The following IZUMO4 variants were observed in gnomAD, a reference collection of about 807,000 sequenced individuals.
The protein encoded by IZUMO4 is IZUMO family member 4, also known as izumo sperm-egg fusion protein 4.
IZUMO4 carries 51 observed loss-of-function variants against 37.1 expected under a neutral mutation model. The observed-to-expected ratio is 1.38, with a 90% CI of 1.10 to 1.74. The LOEUF is 1.74. Ranked by LOEUF, IZUMO4 falls within the 40% of genes most tolerant of loss-of-function variation. IZUMO4 has a pLI of 0.00. For synonymous variants in IZUMO4, 162 were observed against 121.4 expected (o/e 1.33, Z -2.20); for missense variants, 364 against 299.6 (o/e 1.21, Z -1.59).
intron 3 of IZUMO4, 163 bp from the exon 4 acceptor site, chr19:2,097,765 TG>T: frequency 2.2e-6 from 2 of 896,826 alleles, no homozygotes; most frequent in Non-Finnish European, 3.4e-6. Context: ...GGGGTCAACC[TG>T]GGGACCCCTT....
At chr19:2,097,366 A>ACCCCCCCCCCC in intron 2 of IZUMO4, 34 bp downstream of exon 2, 1 of 741,544 alleles carries the variant, frequency 1.3e-6, no homozygotes, top group African/African-American at 2.1e-5. Flanking sequence ...GGGCCCCCCC[A>ACCCCCCCCCCC]CCCCGGGACA....
chr19:2,097,330 C>T lies in IZUMO4; in HGVS notation c.296C>T (p.Pro99Leu). 4 of 1,612,662 alleles carry T rather than the reference C, an allele frequency of 2.5e-6. No homozygotes were observed. The highest frequency in any genetic ancestry group is 3.4e-6 in the Non-Finnish European group (4 of 1,179,820). ...DQLYQGKMYF[P>L]GYFPNELRNI... is the part of the protein sequence containing the mutation. ...CTGTACCAGGGGAAGATGTACTTCC[C>T]CGGTAAGGGGCGCGAAACCGAGGCG... Residue 99 changes from proline to leucine, a missense_variant and splice_region_variant, in exon 2 of 10, where the codon CCC becomes CTC. Coordinates refer to ENST00000395301, the MANE Select transcript of IZUMO4 (RefSeq NM_001039846.2).
chr19:2,098,234 A>G, intron 5 of IZUMO4, 53 bp from the exon 6 acceptor site: 2 of 1,612,622 alleles, frequency 1.2e-6, no homozygotes, highest in East Asian at 2.2e-5. Context: ...GTCATCGGGT[A>G]GGGCGGGGCC....
intron 6 of IZUMO4, 30 bp from the exon 7 acceptor site, chr19:2,098,406 C>G: frequency 6.2e-7 from 1 of 1,613,980 alleles, no homozygotes; most frequent in East Asian, 2.2e-5. Flanking sequence ...GCCACTCGGC[C>G]TCCTGAGTCC....
At chr19:2,099,141 TG>T (rs2017831614) in intron 9 of IZUMO4, 112 bp downstream of exon 9, 1 of 1,387,772 alleles carries the variant, frequency 7.2e-7, no homozygotes, top group Non-Finnish European at 1.0e-6. Context: ...GTGTCGTGGA[TG>T]TGGCCACACA....
At position 2,097,801 on chromosome 19, in the gene IZUMO4, C is replaced by G. The variant is rs112353711; in HGVS notation, c.371-128C>G. 3.1e-3 allele frequency: 3,737 copies of G among 1,204,406 alleles called. 80 individuals are homozygous for G. The African/African-American group carries it at 0.046, about 15-fold the overall frequency. 74.6% of individuals were successfully genotyped at this position (1,204,406 alleles called of 1,614,324 possible). A position where few individuals can be genotyped will look rare whatever the true frequency, so the allele number is the denominator to read the frequency against. ...TCCCTCCGGGCCATGGACACACATA[C>G]ATGAAAACCAGGTGAGCCTGGGCCC... On this transcript the variant is annotated intron_variant, in intron 3 of 9. Coordinates refer to ENST00000395301, the MANE Select transcript of IZUMO4 (RefSeq NM_001039846.2).
chr19:2,097,198 C>A, intron 1 of IZUMO4, 36 bp downstream of exon 1: 1 of 1,605,922 alleles, frequency 6.2e-7, no homozygotes, highest in Non-Finnish European at 8.5e-7. Flanking sequence ...CCGACTACCC[C>A]GCCAGCGAGA....
rs555584163 is a variant in IZUMO4, at chr19:2,097,140, C to T, written c.195C>T (p.His65=). The stretch of plus-strand genomic sequence containing the variant: ...GCGACGACACGATGAAGGAGCTGCA[C>T]CTGGCCATCCCCGCCAAGATCAGTG... ...DWSDDTMKEL[H]LAIPAKITRE... is the part of the protein sequence containing the mutation. Residue 65 remains histidine (H), a synonymous_variant, in exon 1 of 10, where the codon CAC becomes CAT. Transcript: ENST00000395301. 1 of 1,611,146 alleles carries T rather than the reference C, an allele frequency of 6.2e-7. No homozygotes were observed. Among genetic ancestry groups the T allele is most frequent in the Non-Finnish European group, 8.5e-7 (1 of 1,178,970 alleles).
rs558370511 is a variant in IZUMO4, at chr19:2,099,495, G to C, written c.*150G>C. The C allele has an allele frequency of 1.0e-5, 6 of 580,952 alleles. No homozygotes were observed. Among genetic ancestry groups the C allele is most frequent in the Admixed American group, 5.3e-5 (2 of 37,924 alleles). The allele number at this position is 580,952 out of a possible 1,614,324, so 36.0% of individuals were successfully genotyped here. A position where few individuals can be genotyped will look rare whatever the true frequency, so the allele number is the denominator to read the frequency against. The stretch of plus-strand genomic sequence containing the variant: ...GCTGGCCAGGGCCAGGAGGGCGGGA[G>C]GGAGGGAATGGGGGTGGGCTGTGCG... On this transcript the variant is annotated 3_prime_UTR_variant, in exon 10 of 10. Coordinates refer to ENST00000395301, the MANE Select transcript of IZUMO4 (RefSeq NM_001039846.2).
Position 2,099,441 on chromosome 19 carries a change from A to T in IZUMO4, c.*96A>T. The T allele has an allele frequency of 8.2e-6, 5 of 607,892 alleles. 1 individual carries two copies. Among genetic ancestry groups the T allele is most frequent in the Non-Finnish European group, 2.6e-6 (1 of 378,958 alleles). The allele number at this position is 607,892 out of a possible 1,614,324, so 37.7% of individuals were successfully genotyped here. ...GGAGCTGGGCTGCTGCTGCCTCAGG[A>T]CCCCCTCTCCGACCCCGGACAGAGC... On this transcript the variant is annotated 3_prime_UTR_variant, in exon 10 of 10. Transcript: ENST00000395301.
At position 2,097,452 on chromosome 19, in the gene IZUMO4, C is replaced by A; in HGVS notation, c.327C>A (p.Ile109=). Residue 109 remains isoleucine (I), a synonymous_variant, in exon 3 of 10, where the codon ATC becomes ATA. Coordinates refer to ENST00000395301, the MANE Select transcript of IZUMO4 (RefSeq NM_001039846.2). The stretch of plus-strand genomic sequence containing the variant: ...ATTTCCCCAACGAGCTGCGAAACAT[C>A]TTCCGGGAGCAGGTGCACCTCATCC... ...PGYFPNELRN[I]FREQVHLIQN... is the part of the protein sequence containing the mutation. The A allele has an allele frequency of 3.7e-6, 6 of 1,604,124 alleles. No homozygotes were observed. Among genetic ancestry groups the A allele is most frequent in the Non-Finnish European group, 5.1e-6 (6 of 1,174,740 alleles).
chr19:2,097,563 G>GA (rs1207417440), intron 3 of IZUMO4, 68 bp downstream of exon 3: 1 of 1,378,580 alleles, frequency 7.3e-7, no homozygotes, highest in Non-Finnish European at 1.0e-6. Flanking sequence ...GGGCTTGGCT[G>GA]AGGCTGGAGT....
rs1352618797 is a variant in IZUMO4 at position 2,099,534 on chromosome 19, T to C, written c.*189T>C. 1.7e-6 allele frequency: 1 copy of C among 591,968 alleles called. No homozygotes were observed. The highest frequency in any genetic ancestry group is 2.8e-5 in the East Asian group (1 of 35,938). 36.7% of individuals were successfully genotyped at this position (591,968 alleles called of 1,614,324 possible). On this transcript the variant is annotated 3_prime_UTR_variant, in exon 10 of 10. Coordinates refer to ENST00000395301, the MANE Select transcript of IZUMO4 (RefSeq NM_001039846.2). Reference sequence around the variant, plus strand: ...GTGGGCTGTGCGCAGCATCAGCGCCTGGGCAGGTCCGCAGAGCTGCGGGAT... The same window carrying C: ...GTGGGCTGTGCGCAGCATCAGCGCCCGGGCAGGTCCGCAGAGCTGCGGGAT...
chr19:2,099,020 C>T lies in IZUMO4; in HGVS notation c.599C>T (p.Thr200Ile), dbSNP rs1389790553. 1.5e-5 allele frequency: 24 copies of T among 1,612,932 alleles called. No individual in the cohort carries two copies. The highest frequency in any genetic ancestry group is 2.2e-5 in the East Asian group (1 of 44,900). ...TCCTGGCCTGGGACACACAGAGCCA[C>T]CCCGGCCTTGTGAGTGACCCAGAGA... ...AFSWPGTHRATPAFLVSPALR... is the reference protein window; with the variant it reads ...AFSWPGTHRAIPAFLVSPALR... The change falls in exon 9 of 10, where the codon ACC becomes ATC. Residue 200 changes from threonine (T) to isoleucine (I), a missense_variant. By Grantham distance (89) the Thr-to-Ile change is moderately conservative (BLOSUM62 -1). Coordinates refer to ENST00000395301, the MANE Select transcript of IZUMO4 (RefSeq NM_001039846.2).
At chr19:2,097,557 T>TC in intron 3 of IZUMO4, 62 bp downstream of exon 3, 1 of 1,436,884 alleles carries the variant, frequency 7.0e-7, no homozygotes, top group Non-Finnish European at 9.8e-7. Flanking sequence ...CCCACGGGGC[T>TC]TGGCTGAGGC....
intron 8 of IZUMO4, 31 bp downstream of exon 8, chr19:2,098,835 G>A (rs1315743320): frequency 6.3e-7 from 1 of 1,587,016 alleles, no homozygotes; most frequent in East Asian, 2.2e-5. Flanking sequence ...ACTTCAGGGG[G>A]AGGGGGTAAA....
At position 2,099,024 on chromosome 19, in the gene IZUMO4, G is replaced by C. The variant is rs200278797; in HGVS notation, c.603G>C (p.Pro201=). 8 of 1,612,880 alleles carry C rather than the reference G, an allele frequency of 5.0e-6. No homozygotes were observed. The highest frequency in any genetic ancestry group is 6.8e-6 in the Non-Finnish European group (8 of 1,179,906). Residue 201 remains proline (P), a synonymous_variant, in exon 9 of 10, where the codon CCG becomes CCC. Transcript: ENST00000395301. Reference sequence around the variant, plus strand: ...GGCCTGGGACACACAGAGCCACCCCGGCCTTGTGAGTGACCCAGAGAAGGG... The same window carrying C: ...GGCCTGGGACACACAGAGCCACCCCCGCCTTGTGAGTGACCCAGAGAAGGG... The part of the protein sequence containing the change: ...FSWPGTHRAT[P]AFLVSPALRC...
chr19:2,098,825 A>C (rs969984976), intron 8 of IZUMO4, 21 bp downstream of exon 8: 2 of 1,578,780 alleles, frequency 1.3e-6, no homozygotes, highest in Non-Finnish European at 1.7e-6. Flanking sequence ...CCTGACCTGG[A>C]CTTCAGGGGG....
At chr19:2,098,698 C>T in intron 7 of IZUMO4, 89 bp from the exon 8 acceptor site, 1 of 1,577,164 alleles carries the variant, frequency 6.3e-7, no homozygotes, top group South Asian at 1.2e-5. Context: ...TCCACCCCAT[C>T]CCAGGTCTGT....
Sources: allele counts gnomAD v4.1 joint callset, GRCh38; gene constraint gnomAD v4.1.1; transcripts MANE v1.5; gene names NCBI Gene and HGNC (gene_info 2026-07-23, HGNC 2026-07-21).